The following SLC27A4 variants were observed in gnomAD, a reference collection of about 807,000 sequenced individuals.
SLC27A4 encodes long-chain fatty acid transport protein 4.
A neutral mutation model predicts 64.4 loss-of-function variants in SLC27A4; 33 were observed. That is an observed-to-expected ratio of 0.51 (90% confidence interval 0.39 to 0.68). SLC27A4 has a LOEUF of 0.68. Ranked by LOEUF, SLC27A4 falls within the 30% of genes least tolerant of loss-of-function variation. The probability of loss-of-function intolerance (pLI) is 0.00; values close to 1 mark genes in which losing one functional copy is unlikely to be tolerated. For synonymous variants in SLC27A4, 377 were observed against 370.0 expected (o/e 1.02, Z -0.22); for missense variants, 824 against 883.5 (o/e 0.93, Z 0.85).
Position 128,345,640 on chromosome 9 carries a change from G to A in SLC27A4, c.556+91G>A. 1 of 1,434,168 alleles carries A rather than the reference G, an allele frequency of 7.0e-7. No homozygotes were observed. Among genetic ancestry groups the A allele is most frequent in the Non-Finnish European group, 9.2e-7 (1 of 1,081,484 alleles). The allele number at this position is 1,434,168 out of a possible 1,614,324, so 88.8% of individuals were successfully genotyped here. ...TTCCAGCCCTGCCAAGGCTGTGTGGGTCAGTGGTTAAGGGCACAGAGTGGA... is the reference window on the plus strand; with the variant it reads ...TTCCAGCCCTGCCAAGGCTGTGTGGATCAGTGGTTAAGGGCACAGAGTGGA... On this transcript the variant is annotated intron_variant, in intron 3 of 12. Coordinates refer to ENST00000300456, the MANE Select transcript of SLC27A4 (RefSeq NM_005094.4). This position sits in a 1 kb window ranked among gnomAD's most constrained non-coding sequence, Gnocchi z 4.1.
intron 1 of SLC27A4, among the ~76,000 whole-genome samples, chr9:128,341,090 A>T (rs555454789): frequency 6.6e-6 from 1 of 152,162 alleles, no homozygotes; most frequent in Non-Finnish European, 1.5e-5. Context: ...CCCCTCTGCT[A>T]TGGCGGGCTA....
At chr9:128,350,648 T>C (rs1832721315) in intron 6 of SLC27A4, 73 bp downstream of exon 6, 21 of 1,173,334 alleles carry the variant, frequency 1.8e-5, no homozygotes, top group Admixed American at 1.4e-4. Flanking sequence ...TCAGGCAGTG[T>C]GCTGCAGTAG....
chr9:128,352,715 T>G lies in SLC27A4; in HGVS notation c.955T>G (p.Phe319Val). 1 of 1,614,024 alleles carries G rather than the reference T, an allele frequency of 6.2e-7. No homozygotes were observed. Reference sequence around the variant, plus strand: ...TCGGAAGAAGTTCTCAGCCTCCCGGTTCTGGGACGATTGTATCAAGTACAA... The same window carrying G: ...TCGGAAGAAGTTCTCAGCCTCCCGGGTCTGGGACGATTGTATCAAGTACAA... Reference protein sequence around the residue: ...VIRKKFSASRFWDDCIKYNCT... With the variant: ...VIRKKFSASRVWDDCIKYNCT... The change falls in exon 7 of 13, where the codon TTC becomes GTC. Residue 319 changes from phenylalanine (F) to valine (V), a missense_variant. Physicochemically the swap from Phe to Val is conservative, Grantham distance 50. Coordinates refer to ENST00000300456, the MANE Select transcript of SLC27A4 (RefSeq NM_005094.4).
At chr9:128,341,342 C>A (rs1480374648) in intron 1 of SLC27A4, among the ~76,000 whole-genome samples, 2 of 152,186 alleles carry the variant, frequency 1.3e-5, no homozygotes, top group Non-Finnish European at 2.9e-5. Flanking sequence ...CATCAGATGT[C>A]CCCTTGATCG....
chr9:128,355,585 T>G lies in SLC27A4; in HGVS notation c.1627+23T>G, dbSNP rs774241354. The stretch of plus-strand genomic sequence containing the variant: ...CAGGTATGTGCAGGCAGGCGCGAGG[T>G]GTGGGTAGGGAGGCACCACCCAGGG... On this transcript the variant is annotated intron_variant, in intron 11 of 12. Transcript: ENST00000300456. 1.9e-6 allele frequency: 3 copies of G among 1,607,246 alleles called. No homozygotes were observed. In the African/African-American group the frequency reaches 4.0e-5, roughly 21 times the overall value.
Position 128,348,571 on chromosome 9 carries a change from G to A in SLC27A4, c.583G>A (p.Asp195Asn). 1.9e-6 allele frequency: 3 copies of A among 1,613,352 alleles called. No individual in the cohort carries two copies. The highest frequency in any genetic ancestry group is 2.5e-6 in the Non-Finnish European group (3 of 1,180,036). The change falls in exon 4 of 13, where the codon GAC (aspartate) becomes AAC (asparagine). Residue 195 changes from aspartate to asparagine, a missense_variant. Asp to Asn is a conservative substitution (Grantham distance 23, BLOSUM62 1). Transcript: ENST00000300456. ...CATCTGTGAGGTCCATGCCAGCCTG[G>A]ACCCCTCGCTCAGCCTCTTCTGCTC... Reference protein sequence around the residue: ...SAICEVHASLDPSLSLFCSGS... With the variant: ...SAICEVHASLNPSLSLFCSGS...
chr9:128,355,343 G>T, intron 10 of SLC27A4, 55 bp from the exon 11 acceptor site: 7 of 1,610,554 alleles, frequency 4.3e-6, no homozygotes, highest in Non-Finnish European at 5.9e-6. Flanking sequence ...CCTGGCTTGA[G>T]CCCTGGTCTC....
At chr9:128,347,894 AG>A (rs1405992608) in intron 3 of SLC27A4, among the ~76,000 whole-genome samples, 3 of 150,512 alleles carry the variant, frequency 2.0e-5, no homozygotes, top group Admixed American at 6.6e-5. Flanking sequence ...AAAAAAAAAA[AG>A]AAAGGAAAGA....
rs777331355 is a variant in SLC27A4 at position 128,345,192 on chromosome 9, C to T, written c.199C>T (p.Arg67Ter). Residue 67 changes from arginine (R) to a stop codon, truncating the protein, a stop_gained, in exon 3 of 13, where the codon CGA becomes TGA. Transcript: ENST00000300456. LOFTEE classifies it high-confidence loss of function. This position sits in a 1 kb window ranked among gnomAD's most constrained non-coding sequence, Gnocchi z 4.1. ...LVLLKVKAKV[R>*]QCLQERRTVP... is the part of the protein sequence containing the mutation. ...CCTCCTGAAGGTGAAGGCAAAGGTGCGACAGTGCCTGCAGGAGCGGCGGAC... is the reference window on the plus strand; with the variant it reads ...CCTCCTGAAGGTGAAGGCAAAGGTGTGACAGTGCCTGCAGGAGCGGCGGAC... 4.3e-6 allele frequency: 7 copies of T among 1,613,496 alleles called. No homozygotes were observed. The Admixed American group carries it at 5.0e-5, about 12-fold the overall frequency.
chr9:128,358,295 G>A (rs1832849203), intron 12 of SLC27A4, among the ~76,000 whole-genome samples: 3 of 152,324 alleles, frequency 2.0e-5, no homozygotes, highest in South Asian at 2.1e-4. Context: ...TTTCTGCAGC[G>A]ATGGAAATGT....
Position 128,353,119 on chromosome 9 carries a change from A to C in SLC27A4, c.1082A>C (p.Asn361Thr). Reference protein sequence around the residue: ...NQHQVRMALGNGLRQSIWTNF... With the variant: ...NQHQVRMALGTGLRQSIWTNF... ...CACCAGGTTCGCATGGCACTAGGCA[A>C]TGGCCTCCGGCAGTCCATCTGGACC... The change falls in exon 8 of 13, where the codon AAT becomes ACT. Residue 361 changes from asparagine to threonine, a missense_variant. By Grantham distance (65) the Asn-to-Thr change is moderately conservative. Transcript: ENST00000300456. The surrounding 1 kb of genome is among the most constrained non-coding windows in gnomAD (Gnocchi z 4.9). 3 of 1,614,208 alleles carry C rather than the reference A, an allele frequency of 1.9e-6. No individual in the cohort carries two copies. Among genetic ancestry groups the C allele is most frequent in the Non-Finnish European group, 2.5e-6 (3 of 1,180,036 alleles).
chr9:128,343,247 T>C lies in SLC27A4; in HGVS notation c.115T>C (p.Trp39Arg). The C allele has an allele frequency of 6.2e-7, 1 of 1,614,174 alleles. No homozygotes were observed. The highest frequency in any genetic ancestry group is 8.5e-7 in the Non-Finnish European group (1 of 1,180,016). The change falls in exon 2 of 13, where the codon TGG becomes CGG. Residue 39 changes from tryptophan to arginine, a missense_variant. By Grantham distance (101) the Trp-to-Arg change is moderately radical. Transcript: ENST00000300456. ...LLFLYLGSGG[W>R]RFIRVFIKTI... ...GTTCCTCTACTTGGGATCTGGCGGC[T>C]GGCGCTTCATCCGGGTCTTCATCAA...
chr9:128,357,886 C>T (rs76801059), intron 12 of SLC27A4, among the ~76,000 whole-genome samples: 13,591 of 152,156 alleles, frequency 0.089, 900 homozygotes, highest in East Asian at 0.19. Context: ...GTGCCTAAAG[C>T]ATCGGGGAGG....
In SLC27A4 at chr9:128,348,833, T is replaced by C. The variant is rs964899273; in HGVS notation, c.715+130T>C. On this transcript the variant is annotated intron_variant, in intron 4 of 12. Coordinates refer to ENST00000300456, the MANE Select transcript of SLC27A4 (RefSeq NM_005094.4). ...GGAACATGTCACGTCACCTCCCTTT[T>C]TCCATCTGGAAAATGGTGACAGTAA... The C allele has an allele frequency of 2.2e-5, 20 of 922,782 alleles. 1 individual carries two copies. Among genetic ancestry groups the C allele is most frequent in the Non-Finnish European group, 3.3e-5 (20 of 598,198 alleles). The allele number at this position is 922,782 out of a possible 1,614,324, so 57.2% of individuals were successfully genotyped here.
At chr9:128,351,937 A>C (rs1448788250) in intron 6 of SLC27A4, among the ~76,000 whole-genome samples, 1 of 151,804 alleles carries the variant, frequency 6.6e-6, no homozygotes, top group Non-Finnish European at 1.5e-5. Flanking sequence ...CTGTAATCCC[A>C]ACACTTTGGG....
At chr9:128,350,417 G>A (rs1421928994) in intron 5 of SLC27A4, 36 bp downstream of exon 5, 3 of 1,612,678 alleles carry the variant, frequency 1.9e-6, no homozygotes, top group Non-Finnish European at 2.5e-6. Flanking sequence ...GTAGGCACAG[G>A]CAGGGCTGGG....
chr9:128,345,333 G>A lies in SLC27A4; in HGVS notation c.340G>A (p.Val114Ile), dbSNP rs1832638617. The A allele has an allele frequency of 1.2e-6, 2 of 1,613,866 alleles. No individual in the cohort carries two copies. Among genetic ancestry groups the A allele is most frequent in the African/African-American group, 2.7e-5 (2 of 75,032 alleles). Residue 114 changes from valine to isoleucine, a missense_variant, in exon 3 of 13, where the codon GTA (valine) becomes ATA (isoleucine). Physicochemically the swap from Val to Ile is conservative, Grantham distance 29 (BLOSUM62 3). Coordinates refer to ENST00000300456, the MANE Select transcript of SLC27A4 (RefSeq NM_005094.4). This position sits in a 1 kb window ranked among gnomAD's most constrained non-coding sequence, Gnocchi z 4.1. ...CCAGCTGGATGAGTACTCAAGCAGT[G>A]TAGCCAACTTCCTGCAGGCCCGGGG... ...FRQLDEYSSS[V>I]ANFLQARGLA...
At chr9:128,352,775 T>C (rs758423021) in intron 7 of SLC27A4, 28 bp downstream of exon 7, 18 of 1,529,142 alleles carry the variant, frequency 1.2e-5, no homozygotes, top group Non-Finnish European at 1.6e-5. Context: ...GGGTGAGCTG[T>C]CCCTTTCCCC....
intron 2 of SLC27A4, among the ~76,000 whole-genome samples, chr9:128,344,015 A>G (rs982071470): frequency 2.0e-5 from 3 of 152,164 alleles, no homozygotes; most frequent in African/African-American, 4.8e-5. Context: ...GCATTTGTCA[A>G]TCTTGGTTGA....
Sources: allele counts gnomAD v4.1 joint callset (sites outside exome capture counted in the v4.1 genomes callset), GRCh38; gene constraint gnomAD v4.1.1; non-coding constraint Gnocchi (gnomAD v3.1); transcripts MANE v1.5; gene names NCBI Gene and HGNC (gene_info 2026-07-23, HGNC 2026-07-21).